Variants in TMEM234 observed in about 807,000 individuals in gnomAD.
TMEM234 encodes the protein chromosome 1 open reading frame 91.
TMEM234 carries 21 observed loss-of-function variants against 17.8 expected under a neutral mutation model. The ratio of observed to expected loss-of-function variants is 1.18; its 90% CI spans 0.84 to 1.70. TMEM234 has a LOEUF of 1.70. TMEM234 is among the 40% of genes most tolerant of loss of function. The pLI is 0.00. For missense variants in TMEM234, 137 were observed against 166.9 expected (o/e 0.82, Z 0.99); for synonymous variants, 83 against 73.5 (o/e 1.13, Z -0.66).
chr1:32,222,194 G>A (rs1352922312), intron 1 of TMEM234, 113 bp downstream of exon 1: 3 of 1,500,926 alleles, frequency 2.0e-6, no homozygotes, highest in Admixed American at 2.2e-5. Flanking sequence ...GAATCCAGGA[G>A]TCCGGCCTCT....
At position 32,221,270 on chromosome 1, in the gene TMEM234, G is replaced by C. The variant is rs571157689; in HGVS notation, c.169-73C>G. 2.5e-6 allele frequency: 3 copies of C among 1,206,738 alleles called. No individual in the cohort carries two copies. The South Asian group carries it at 3.8e-5, about 15-fold the overall frequency. 74.8% of individuals were successfully genotyped at this position (1,206,738 alleles called of 1,614,324 possible). On this transcript the variant is annotated intron_variant, in intron 2 of 4. Coordinates refer to ENST00000309777, the MANE Select transcript of TMEM234 (RefSeq NM_019118.5). ...GCACTGCCTTCTTTGAGCTCCTAGC[G>C]AATGTCTTTCCTTGGAGGGAGGCAG...
rs1638378193 is a variant in TMEM234 at position 32,216,333 on chromosome 1, C to G, written c.*520G>C. On this transcript the variant is annotated 3_prime_UTR_variant, in exon 5 of 5. Transcript: ENST00000309777. ...ATTTCTGCCTACCTCATGGGTGGGG[C>G]AGGCAAGGCTAATAGACAGCTCATT... 1.2e-5 allele frequency: 18 copies of G among 1,533,342 alleles called. No individual in the cohort carries two copies. The highest frequency in any genetic ancestry group is 2.0e-5 in the Admixed American group (1 of 50,682). 95.0% of individuals were successfully genotyped at this position (1,533,342 alleles called of 1,614,324 possible).
At position 32,216,244 on chromosome 1, in the gene TMEM234, G is replaced by T; in HGVS notation, c.*609C>A. ...TTGACAGCTACTACTCGCCAGGTGT[G>T]CTGGAGTCAGGTGGGGCTGGGGCTC... On this transcript the variant is annotated 3_prime_UTR_variant, in exon 5 of 5. Transcript: ENST00000309777. 1.5e-6 allele frequency: 2 copies of T among 1,330,458 alleles called. No individual in the cohort carries two copies. The highest frequency in any genetic ancestry group is 2.0e-6 in the Non-Finnish European group (2 of 991,198). The allele number at this position is 1,330,458 out of a possible 1,614,324, so 82.4% of individuals were successfully genotyped here.
chr1:32,215,193 G>A, downstream of TMEM234: 2 of 589,828 alleles, frequency 3.4e-6, no homozygotes, highest in Non-Finnish European at 5.8e-6. Context: ...TCTTCACAGG[G>A]CCTCATCACA....
At position 32,216,229 on chromosome 1, in the gene TMEM234, C is replaced by A; in HGVS notation, c.*624G>T. The A allele has an allele frequency of 8.6e-7, 1 of 1,156,406 alleles. No individual in the cohort carries two copies. 71.6% of individuals were successfully genotyped at this position (1,156,406 alleles called of 1,614,324 possible). On this transcript the variant is annotated 3_prime_UTR_variant, in exon 5 of 5. Coordinates refer to ENST00000309777, the MANE Select transcript of TMEM234 (RefSeq NM_019118.5). ...TTTACCATAGATTTATTGACAGCTA[C>A]TACTCGCCAGGTGTGCTGGAGTCAG...
At chr1:32,215,456 T>G, downstream of TMEM234, 1 of 1,612,868 alleles carries the variant, frequency 6.2e-7, no homozygotes, top group Non-Finnish European at 8.5e-7. Flanking sequence ...TAGGAGTATA[T>G]GGAGCTCCCC....
intron 4 of TMEM234, 93 bp from the exon 5 acceptor site, chr1:32,217,040 G>C: frequency 6.3e-7 from 1 of 1,588,962 alleles, no homozygotes. Context: ...ATGGGGTCTG[G>C]TCTTCAATCC....
chr1:32,215,051 T>TG (rs1242373483), downstream of TMEM234: 2 of 1,199,082 alleles, frequency 1.7e-6, no homozygotes, highest in Non-Finnish European at 1.1e-6. Context: ...AAGCCGGCAC[T>TG]GGAAAAAAAA....
At position 32,222,029 on chromosome 1, in the gene TMEM234, A is replaced by G; in HGVS notation, c.17-11T>C. On this transcript the variant is annotated splice_polypyrimidine_tract_variant and intron_variant, in intron 1 of 4. Coordinates refer to ENST00000309777, the MANE Select transcript of TMEM234 (RefSeq NM_019118.5). Reference sequence around the variant, plus strand: ...GAGCCAACACCTGCCCTGAATGCAGACGAGTGAGTCACCCTGACCCCCACC... The same window carrying G: ...GAGCCAACACCTGCCCTGAATGCAGGCGAGTGAGTCACCCTGACCCCCACC... 1 of 1,606,028 alleles carries G rather than the reference A, an allele frequency of 6.2e-7. No individual in the cohort carries two copies. The highest frequency in any genetic ancestry group is 1.1e-5 in the South Asian group (1 of 90,396).
chr1:32,216,210 A>G lies in TMEM234; in HGVS notation c.*643T>C. 1 of 992,260 alleles carries G rather than the reference A, an allele frequency of 1.0e-6. No individual in the cohort carries two copies. Among genetic ancestry groups the G allele is most frequent in the Non-Finnish European group, 1.4e-6 (1 of 691,702 alleles). The allele number at this position is 992,260 out of a possible 1,614,324, so 61.5% of individuals were successfully genotyped here. A position where few individuals can be genotyped will look rare whatever the true frequency, so the allele number is the denominator to read the frequency against. On this transcript the variant is annotated 3_prime_UTR_variant, in exon 5 of 5. Coordinates refer to ENST00000309777, the MANE Select transcript of TMEM234 (RefSeq NM_019118.5). ...CTTACTAACCTCTTGTCTGTTTACC[A>G]TAGATTTATTGACAGCTACTACTCG...
At chr1:32,215,305 C>T, downstream of TMEM234, 1 of 742,546 alleles carries the variant, frequency 1.3e-6, no homozygotes, top group Non-Finnish European at 2.2e-6. Flanking sequence ...CTCTCACTTC[C>T]TTGCCATCCT....
intron 2 of TMEM234, among the ~76,000 whole-genome samples, chr1:32,221,591 A>C (rs1190606250): frequency 2.0e-5 from 3 of 152,114 alleles, no homozygotes. Context: ...ATCACAATAA[A>C]ATGTGAATAA....
At position 32,222,332 on chromosome 1, in the gene TMEM234, G is replaced by T. The variant is rs752526209; in HGVS notation, c.-10C>A. 29 of 1,562,916 alleles carry T rather than the reference G, an allele frequency of 1.9e-5. No homozygotes were observed. Among genetic ancestry groups the T allele is most frequent in the East Asian group, 1.1e-4 (5 of 44,206 alleles). ...CCAGAGACGCCGCCATGGCAACGCCGCTGTCTTCTACTTCCGGGAACGAAG... is the reference window on the plus strand; with the variant it reads ...CCAGAGACGCCGCCATGGCAACGCCTCTGTCTTCTACTTCCGGGAACGAAG... On this transcript the variant is annotated 5_prime_UTR_variant, in exon 1 of 5. Transcript: ENST00000309777.
chr1:32,221,070 C>A (rs1028838843), intron 3 of TMEM234, 61 bp downstream of exon 3: 14 of 1,442,076 alleles, frequency 9.7e-6, no homozygotes, highest in Non-Finnish European at 1.4e-5. Context: ...CCCCGCCCCC[C>A]CCAATCACTC....
At chr1:32,216,135 A>C, downstream of TMEM234, 1 of 681,198 alleles carries the variant, frequency 1.5e-6, no homozygotes, top group Non-Finnish European at 2.4e-6. Flanking sequence ...TGGCCAGAGA[A>C]AGGAGTAGCT....
downstream of TMEM234, chr1:32,215,528 G>T (rs142243330): frequency 1.9e-6 from 3 of 1,613,460 alleles, no homozygotes; most frequent in South Asian, 3.3e-5. Flanking sequence ...CTCAGACAGA[G>T]GAGCCCTTGG....
downstream of TMEM234, chr1:32,215,631 C>T (rs1638321763): frequency 7.8e-7 from 1 of 1,274,402 alleles, no homozygotes; most frequent in South Asian, 1.4e-5. Context: ...GAACAGTTCT[C>T]CTCCCTTGTG....
Position 32,216,447 on chromosome 1 carries a change from CG to C in TMEM234, c.*405del, listed in dbSNP as rs1638392412. The C allele has an allele frequency of 6.4e-7, 1 of 1,551,696 alleles. No homozygotes were observed. Among genetic ancestry groups the C allele is most frequent in the Non-Finnish European group, 8.7e-7 (1 of 1,146,990 alleles). On this transcript the variant is annotated 3_prime_UTR_variant, in exon 5 of 5. Transcript: ENST00000309777. ...CTCTGACTGAGTCCCAGAGGCCTCC[CG>C]TTTGCATTTCTGGCTCAAAGTCTGC...
At chr1:32,219,181 T>A (rs1369915961) in intron 3 of TMEM234, among the ~76,000 whole-genome samples, 1 of 150,544 alleles carries the variant, frequency 6.6e-6, no homozygotes, top group African/African-American at 2.5e-5. Context: ...GAGTTATCCA[T>A]GGTAACAAGA....
Sources: allele counts gnomAD v4.1 joint callset (sites outside exome capture counted in the v4.1 genomes callset), GRCh38; gene constraint gnomAD v4.1.1; transcripts MANE v1.5; gene names NCBI Gene and HGNC (gene_info 2026-07-23, HGNC 2026-07-21).